Variants in DMTN observed in about 807,000 individuals in gnomAD.
DMTN encodes dematin actin binding protein.
Under a neutral mutation model 59.4 loss-of-function variants are expected in DMTN, and 27 were observed. The observed-to-expected ratio is 0.45, with a 90% CI of 0.33 to 0.63. DMTN has a LOEUF of 0.63. DMTN is among the 20% of genes least tolerant of loss of function. The pLI is 0.02. For synonymous variants in DMTN, 221 were observed against 203.7 expected, an observed-to-expected ratio of 1.08 and a Z score of -0.72; for missense variants, 451 against 528.9, an observed-to-expected ratio of 0.85 and a Z score of 1.45.
Position 22,081,511 on chromosome 8 carries a change from G to T in DMTN, c.*48G>T. ...GGCCCCCTTACCCCTGCTGCTTCAG[G>T]GTTTTTCCCCGGCGGGTTGGGAGGG... On this transcript the variant is annotated 3_prime_UTR_variant, in exon 16 of 16. Coordinates refer to ENST00000358242, the MANE Select transcript of DMTN (RefSeq NM_001387751.1). The T allele has an allele frequency of 6.4e-7, 1 of 1,566,292 alleles. No homozygotes were observed. Among genetic ancestry groups the T allele is most frequent in the Non-Finnish European group, 8.8e-7 (1 of 1,137,278 alleles).
At chr8:22,069,169 A>C in intron 5 of DMTN, 109 bp downstream of exon 5, 1 of 1,300,038 alleles carries the variant, frequency 7.7e-7, no homozygotes, top group Non-Finnish European at 1.1e-6. Flanking sequence ...GAGTGCCCGA[A>C]TCAGCGGCCC....
rs1397173984 is a variant in DMTN at position 22,067,702 on chromosome 8, GC to G, written c.249+21del. 1.2e-6 allele frequency: 2 copies of G among 1,611,796 alleles called. No homozygotes were observed. The highest frequency in any genetic ancestry group is 1.7e-5 in the Admixed American group (1 of 59,988). Reference sequence around the variant, plus strand: ...CGCGAGGTGAGGGGGCTCCTCTTGGGCAGGACTCCGGGGGAGGCCCCCCCCA... The same window carrying G: ...CGCGAGGTGAGGGGGCTCCTCTTGGGAGGACTCCGGGGGAGGCCCCCCCCA... On this transcript the variant is annotated intron_variant, in intron 4 of 15. Coordinates refer to ENST00000358242, the MANE Select transcript of DMTN (RefSeq NM_001387751.1).
At position 22,071,082 on chromosome 8, in the gene DMTN, T is replaced by TTTTA. The variant is rs10579808; in HGVS notation, c.604+776_604+779dup. Among the ~76,000 whole-genome samples, 381 of 68,938 alleles carry TTTTA rather than the reference T, an allele frequency of 5.5e-3. 1 individual carries two copies. Among genetic ancestry groups the TTTTA allele is most frequent in the African/African-American group, 0.011 (365 of 32,852 alleles). 45.2% of individuals were successfully genotyped at this position (68,938 alleles called of 152,430 possible). On this transcript the variant is annotated intron_variant, in intron 8 of 15. Coordinates refer to ENST00000358242, the MANE Select transcript of DMTN (RefSeq NM_001387751.1). Reference sequence around the variant, plus strand: ...TTACTCTTATTTTATTGTATTTTTATTTTATTTATTTATTTATTTATTTAT... The same window carrying TTTTA: ...TTACTCTTATTTTATTGTATTTTTATTTTATTTATTTATTTATTTATTTATTTAT...
intron 1 of DMTN, among the ~76,000 whole-genome samples, chr8:22,064,569 C>T (rs1410882640): frequency 3.3e-5 from 5 of 152,168 alleles, no homozygotes. Flanking sequence ...TGCCATTCTC[C>T]TACCTCAGCC....
In DMTN at chr8:22,080,472, G is replaced by A. The variant is rs780292331; in HGVS notation, c.949+12G>A. 1 of 1,614,150 alleles carries A rather than the reference G, an allele frequency of 6.2e-7. No individual in the cohort carries two copies. The highest frequency in any genetic ancestry group is 8.5e-7 in the Non-Finnish European group (1 of 1,180,058). On this transcript the variant is annotated intron_variant, in intron 12 of 15. Coordinates refer to ENST00000358242, the MANE Select transcript of DMTN (RefSeq NM_001387751.1). ...GACTGGAAGCCCAGGTGAGAAGTGG[G>A]GCCTGGTGCCGGGGTCTGGAGAAGG...
At position 22,067,092 on chromosome 8, in the gene DMTN, T is replaced by C. The variant is rs776020565; in HGVS notation, c.26T>C (p.Leu9Pro). Residue 9 changes from leucine (L) to proline (P), a missense_variant, in exon 3 of 16, where the codon CTT (leucine) becomes CCT (proline). Leu to Pro is a moderately conservative substitution (Grantham distance 98, BLOSUM62 -3). Coordinates refer to ENST00000358242, the MANE Select transcript of DMTN (RefSeq NM_001387751.1). MERLQKQPLTSPGSVSPSR... is the reference protein window; with the variant it reads MERLQKQPPTSPGSVSPSR... ...CCTTCTCGCTCTCCCCAGCAACCACTTACCTCCCCCGGGAGCGTGAGCCCC... is the reference window on the plus strand; with the variant it reads ...CCTTCTCGCTCTCCCCAGCAACCACCTACCTCCCCCGGGAGCGTGAGCCCC... 4.3e-6 allele frequency: 6 copies of C among 1,391,594 alleles called. No homozygotes were observed. Among genetic ancestry groups the C allele is most frequent in the Non-Finnish European group, 5.7e-6 (6 of 1,046,678 alleles). 86.2% of individuals were successfully genotyped at this position (1,391,594 alleles called of 1,614,324 possible). A position where few individuals can be genotyped will look rare whatever the true frequency, so the allele number is the denominator to read the frequency against.
chr8:22,082,318 C>T lies in DMTN; in HGVS notation c.*855C>T. ...AGAATGTAATTTATTGGGGCCCCCC[C>T]AGCTGCTTTCCTCACCTGCCCCTGC... On this transcript the variant is annotated 3_prime_UTR_variant, in exon 16 of 16. Transcript: ENST00000358242. 2.3e-6 allele frequency: 1 copy of T among 441,188 alleles called. No individual in the cohort carries two copies. The highest frequency in any genetic ancestry group is 1.6e-5 in the South Asian group (1 of 62,884). 27.3% of individuals were successfully genotyped at this position (441,188 alleles called of 1,614,324 possible).
At chr8:22,067,388 A>G (rs919270015) in intron 3 of DMTN, 139 bp from the exon 4 acceptor site, 1 of 1,312,082 alleles carries the variant, frequency 7.6e-7, no homozygotes, top group African/African-American at 1.5e-5. Flanking sequence ...TAAGGTGACT[A>G]ATTTCTTAAA....
chr8:22,074,684 T>C (rs973051454), intron 10 of DMTN, among the ~76,000 whole-genome samples: 8 of 152,154 alleles, frequency 5.3e-5, no homozygotes, highest in African/African-American at 1.9e-4. Context: ...ATGAAACATC[T>C]GGCTGGCTGA....
chr8:22,075,184 C>A (rs774486808), intron 10 of DMTN, among the ~76,000 whole-genome samples: 7,732 of 63,018 alleles, frequency 0.12, 573 homozygotes, highest in African/African-American at 0.25. Flanking sequence ...GAGACTCTGT[C>A]TCAAAAAAAA....
chr8:22,052,017 CA>C (rs1801403708), upstream of DMTN, among the ~76,000 whole-genome samples: 1 of 152,234 alleles, frequency 6.6e-6, no homozygotes, highest in Admixed American at 6.5e-5. Context: ...AGCATGTCCC[CA>C]TTCTCATTTG....
upstream of DMTN, among the ~76,000 whole-genome samples, chr8:22,051,776 C>G (rs1801379488): frequency 6.6e-6 from 1 of 152,192 alleles, no homozygotes; most frequent in African/African-American, 2.4e-5. Context: ...TCCACTCGCT[C>G]CCTACATCAT....
rs576386712 is a variant in DMTN at position 22,070,219 on chromosome 8, C to G, written c.489C>G (p.Ile163Met). 8.1e-6 allele frequency: 13 copies of G among 1,608,414 alleles called. No homozygotes were observed. Among genetic ancestry groups the G allele is most frequent in the Non-Finnish European group, 1.1e-5 (13 of 1,177,122 alleles). ...GCAGCCCTCAGACCAAGCACCTCAT[C>G]GAGGATCTCATCATCGAGTCATCCA... is the stretch of plus-strand genomic sequence containing the variant. ...VGGSPQTKHL[I>M]EDLIIESSKF... The change falls in exon 8 of 16, where the codon ATC becomes ATG. Residue 163 changes from isoleucine (I) to methionine (M), a missense_variant. Coordinates refer to ENST00000358242, the MANE Select transcript of DMTN (RefSeq NM_001387751.1).
At chr8:22,069,580 C>T (rs1444161457) in intron 6 of DMTN, 62 bp downstream of exon 6, 2 of 1,384,946 alleles carry the variant, frequency 1.4e-6, no homozygotes, top group Non-Finnish European at 2.0e-6. Flanking sequence ...AACCCCAATC[C>T]CCTTACGCTC....
In DMTN at chr8:22,065,608, C is replaced by T. The variant is rs531202882; in HGVS notation, c.-171-1097C>T. On this transcript the variant is annotated intron_variant, in intron 1 of 15. Coordinates refer to ENST00000358242, the MANE Select transcript of DMTN (RefSeq NM_001387751.1). ...CTGTAATCCCAGCACTTTGGGAGGC[C>T]GAGGCAGGCGGATCACTTGAGGTCA... Among the ~76,000 whole-genome samples the T allele has an allele frequency of 2.5e-4, 38 of 151,888 alleles. No individual in the cohort carries two copies. In the East Asian group the frequency reaches 6.5e-3, roughly 26 times the overall value.
At chr8:22,075,715 C>T (rs749973116) in intron 10 of DMTN, among the ~76,000 whole-genome samples, 12 of 152,002 alleles carry the variant, frequency 7.9e-5, no homozygotes, top group South Asian at 2.1e-4. Flanking sequence ...GACGGGGTTT[C>T]GCCATGTTGG....
Position 22,067,683 on chromosome 8 carries a change from G to A in DMTN, c.249+1G>A, listed in dbSNP as rs1425532947. Reference sequence around the variant, plus strand: ...CGTGGAGCTGCCTCGCAGCCGCGAGGTGAGGGGGCTCCTCTTGGGCAGGAC... The same window carrying A: ...CGTGGAGCTGCCTCGCAGCCGCGAGATGAGGGGGCTCCTCTTGGGCAGGAC... On this transcript the variant is annotated splice_donor_variant, in intron 4 of 15. Coordinates refer to ENST00000358242, the MANE Select transcript of DMTN (RefSeq NM_001387751.1). LOFTEE classifies it high-confidence loss of function. 6.2e-7 allele frequency: 1 copy of A among 1,613,594 alleles called. No homozygotes were observed. Among genetic ancestry groups the A allele is most frequent in the Non-Finnish European group, 8.5e-7 (1 of 1,180,008 alleles).
chr8:22,070,143 G>A (rs768222260), intron 7 of DMTN, 39 bp from the exon 8 acceptor site: 3 of 1,560,082 alleles, frequency 1.9e-6, no homozygotes, highest in South Asian at 2.4e-5. Context: ...GTTGGCCTCG[G>A]GCAGGGCACA....
Position 22,059,944 on chromosome 8 carries a change from C to T in DMTN, c.-172+2808C>T, listed in dbSNP as rs535554907. 1.4e-3 allele frequency among the ~76,000 whole-genome samples: 220 copies of T among 152,220 alleles called. 1 individual carries two copies. The highest frequency in any genetic ancestry group is 6.8e-3 in the Middle Eastern group (2 of 294). On this transcript the variant is annotated intron_variant, in intron 1 of 15. Transcript: ENST00000358242. ...GGGCCCAGTGGGCGGGTCTTATCAC[C>T]CACATCCTGGGGAGCTGTGGAGAGG...
Sources: allele counts gnomAD v4.1 joint callset (sites outside exome capture counted in the v4.1 genomes callset), GRCh38; gene constraint gnomAD v4.1.1; transcripts MANE v1.5; gene names NCBI Gene and HGNC (gene_info 2026-07-23, HGNC 2026-07-21).